Variants in KIF26B observed in about 807,000 individuals in gnomAD.
KIF26B encodes the protein kinesin family member 26B.
In KIF26B, 63 loss-of-function variants were observed where a neutral mutation model predicts 151.2. The ratio of observed to expected loss-of-function variants is 0.42; its 90% CI spans 0.34 to 0.51. The LOEUF (loss-of-function observed/expected upper bound fraction) is 0.51, where lower values mean the gene tolerates loss of function less well. KIF26B is among the 20% of genes least tolerant of loss of function. The pLI, the probability that KIF26B is intolerant of heterozygous loss-of-function variation, is 0.07. For synonymous variants in KIF26B, 1,357 were observed against 1,262.1 expected, an observed-to-expected ratio of 1.08 and a Z score of -1.59; for missense variants, 2,813 against 2,913.6, an observed-to-expected ratio of 0.97 and a Z score of 0.79.
chr1:245,538,942 A>G (rs1400263886), intron 4 of KIF26B, among the ~76,000 whole-genome samples: 1 of 152,156 alleles, frequency 6.6e-6, no homozygotes, highest in African/African-American at 2.4e-5. Flanking sequence ...ATGACTGGTC[A>G]TTGAATAATT....
At chr1:245,377,919 G>C (rs566527332) in intron 3 of KIF26B, among the ~76,000 whole-genome samples, 1 of 152,284 alleles carries the variant, frequency 6.6e-6, no homozygotes, top group South Asian at 2.1e-4. Context: ...TCAAGAGCCA[G>C]ACAAAATGAA....
intron 4 of KIF26B, among the ~76,000 whole-genome samples, chr1:245,537,003 A>G (rs952835322): frequency 6.6e-6 from 1 of 152,242 alleles, no homozygotes; most frequent in Non-Finnish European, 1.5e-5. Flanking sequence ...CTTGGGTTCA[A>G]GAAGGAACAT....
chr1:245,297,811 A>G (rs1270182014), intron 2 of KIF26B, among the ~76,000 whole-genome samples: 2 of 152,198 alleles, frequency 1.3e-5, no homozygotes, highest in African/African-American at 4.8e-5. Context: ...GAGATGGGAC[A>G]CCATGGTGGC....
chr1:245,594,366 C>T (rs913766872), intron 5 of KIF26B, among the ~76,000 whole-genome samples: 39 of 152,126 alleles, frequency 2.6e-4, no homozygotes, highest in Middle Eastern at 3.4e-3. Flanking sequence ...GGAAGGGGTC[C>T]GGTTTCAGTT....
intron 5 of KIF26B, among the ~76,000 whole-genome samples, chr1:245,554,120 C>A (rs896863530): frequency 6.6e-6 from 1 of 152,144 alleles, no homozygotes; most frequent in African/African-American, 2.4e-5. Flanking sequence ...CCCTTTTCTC[C>A]GTGTTTTGTA....
At chr1:245,185,279 C>T (rs1299718312) in intron 2 of KIF26B, among the ~76,000 whole-genome samples, 1 of 151,996 alleles carries the variant, frequency 6.6e-6, no homozygotes, top group African/African-American at 2.4e-5. Context: ...GCTGGGATTA[C>T]AGGCACCCGC....
chr1:245,229,143 AT>A (rs1460726204), intron 2 of KIF26B, among the ~76,000 whole-genome samples: 1 of 151,586 alleles, frequency 6.6e-6, no homozygotes, highest in Non-Finnish European at 1.5e-5. Context: ...ATTTTTAAAA[AT>A]TTTTTTTAGT....
At chr1:245,513,068 TAGAAA>T (rs1660869840) in intron 4 of KIF26B, among the ~76,000 whole-genome samples, 1 of 151,942 alleles carries the variant, frequency 6.6e-6, no homozygotes, top group Non-Finnish European at 1.5e-5. Context: ...GCTCCAGAAA[TAGAAA>T]AGAAAAGGCA....
rs1558204910 is a variant in KIF26B at position 245,538,396 on chromosome 1, T to C, written c.1167-2371T>C. On this transcript the variant is annotated intron_variant, in intron 4 of 14. Transcript: ENST00000407071. ...AAGATGAGAGAAATAACAACATGTC[T>C]ATGTGCTGTTGGGAATGATCTAGTA... Among the ~76,000 whole-genome samples the C allele has an allele frequency of 1.3e-5, 2 of 151,720 alleles. 1 individual carries two copies. Among genetic ancestry groups the C allele is most frequent in the East Asian group, 3.9e-4 (2 of 5,176 alleles).
intron 4 of KIF26B, among the ~76,000 whole-genome samples, chr1:245,507,185 G>A (rs911818247): frequency 6.6e-6 from 1 of 152,182 alleles, no homozygotes; most frequent in Non-Finnish European, 1.5e-5. Flanking sequence ...ATCAGCAGAG[G>A]TCAGTGTATG....
intron 2 of KIF26B, among the ~76,000 whole-genome samples, chr1:245,184,050 G>GTTTGTTTTTTTTTTTTT (rs1668954964): frequency 5.0e-5 from 1 of 19,804 alleles, no homozygotes; most frequent in African/African-American, 1.5e-4. Flanking sequence ...GGGAGTTGTT[G>GTTTGTTTTTTTTTTTTT]TTTTTTTTTT....
intron 2 of KIF26B, among the ~76,000 whole-genome samples, chr1:245,325,566 G>T (rs530262570): frequency 5.9e-5 from 9 of 152,066 alleles, no homozygotes; most frequent in African/African-American, 2.2e-4. Context: ...TACAAAATTA[G>T]CGGGCGTGGT....
At chr1:245,700,892 C>T (rs1210325318) in intron 14 of KIF26B, among the ~76,000 whole-genome samples, 1 of 152,216 alleles carries the variant, frequency 6.6e-6, no homozygotes, top group African/African-American at 2.4e-5. Flanking sequence ...TTCAGGAATC[C>T]CTGGCCACTT....
chr1:245,343,444 T>C lies in KIF26B; in HGVS notation c.466-23390T>C, dbSNP rs112322108. On this transcript the variant is annotated intron_variant, in intron 2 of 14. Coordinates refer to ENST00000407071, the MANE Select transcript of KIF26B (RefSeq NM_018012.4). The stretch of plus-strand genomic sequence containing the variant: ...CTCTGCTCTGCCAGGGTAATTATTA[T>C]CCTGTATACACTCAGGTCTGTGTTC... Among the ~76,000 whole-genome samples, 1,329 of 152,280 alleles carry C rather than the reference T, an allele frequency of 8.7e-3. 7 individuals are homozygous for C. The highest frequency in any genetic ancestry group is 0.015 in the Non-Finnish European group (1,037 of 68,022).
chr1:245,276,106 C>G (rs1444442848), intron 2 of KIF26B, among the ~76,000 whole-genome samples: 1 of 152,122 alleles, frequency 6.6e-6, no homozygotes, highest in Non-Finnish European at 1.5e-5. Context: ...CTCTGGGAGG[C>G]TGAGGTGGGT....
chr1:245,311,147 C>T (rs1475848050), intron 2 of KIF26B, among the ~76,000 whole-genome samples: 1 of 152,158 alleles, frequency 6.6e-6, no homozygotes, highest in South Asian at 2.1e-4. Context: ...AAGCTAGACT[C>T]GCCTGTCTCT....
At chr1:245,359,954 C>T (rs1672782019) in intron 2 of KIF26B, among the ~76,000 whole-genome samples, 1 of 150,860 alleles carries the variant, frequency 6.6e-6, no homozygotes, top group Non-Finnish European at 1.5e-5. Context: ...CTCACTGCAA[C>T]CTCTGCCTCC....
At chr1:245,639,317 A>G (rs896694871) in intron 9 of KIF26B, among the ~76,000 whole-genome samples, 5 of 151,740 alleles carry the variant, frequency 3.3e-5, no homozygotes, top group Non-Finnish European at 7.4e-5. Flanking sequence ...ATCAGTTGTA[A>G]TGTCATCTTT....
intron 2 of KIF26B, among the ~76,000 whole-genome samples, chr1:245,247,525 C>T (rs73127195): frequency 0.088 from 13,456 of 152,198 alleles, 715 homozygotes; most frequent in East Asian, 0.17. Context: ...TGAGGCAGGA[C>T]GTGCTAACGA....
Sources: allele counts gnomAD v4.1 joint callset (sites outside exome capture counted in the v4.1 genomes callset), GRCh38; gene constraint gnomAD v4.1.1; transcripts MANE v1.5; gene names NCBI Gene and HGNC (gene_info 2026-07-23, HGNC 2026-07-21).